Variants in PKN2 observed in about 807,000 individuals in gnomAD.
PKN2 encodes the protein serine/threonine-protein kinase N2.
PKN2 carries 38 observed loss-of-function variants against 119.1 expected under a neutral mutation model. The observed-to-expected ratio is 0.32, with a 90% CI of 0.25 to 0.42. The LOEUF is 0.42. Among genes scored for constraint, PKN2 ranks in the 10% least tolerant of loss-of-function variants. The probability of loss-of-function intolerance (pLI) is 1.00; values close to 1 mark genes in which losing one functional copy is unlikely to be tolerated. For synonymous variants in PKN2, 390 were observed against 384.9 expected, an observed-to-expected ratio of 1.01 and a Z score of -0.15; for missense variants, 850 against 1,165.1, an observed-to-expected ratio of 0.73 and a Z score of 3.94.
chr1:88,805,387 T>C (rs1035039368), intron 10 of PKN2, 110 bp from the exon 11 acceptor site: 3 of 935,004 alleles, frequency 3.2e-6, no homozygotes, highest in African/African-American at 3.3e-5. Flanking sequence ...GTGACAAATT[T>C]TGTTTGTTCT....
At chr1:88,717,689 T>C (rs1181551587) in intron 1 of PKN2, among the ~76,000 whole-genome samples, 8 of 152,024 alleles carry the variant, frequency 5.3e-5, no homozygotes, top group African/African-American at 1.9e-4. Context: ...AGTCAGCCAT[T>C]CTTCTAATCT....
At chr1:88,706,602 T>C (rs1300038847) in intron 1 of PKN2, among the ~76,000 whole-genome samples, 3 of 152,118 alleles carry the variant, frequency 2.0e-5, no homozygotes, top group Non-Finnish European at 4.4e-5. Flanking sequence ...GTAAGATTAG[T>C]TGTATGAGTT....
chr1:88,751,357 A>G (rs1668986775), intron 2 of PKN2, among the ~76,000 whole-genome samples: 1 of 150,458 alleles, frequency 6.6e-6, no homozygotes, highest in African/African-American at 2.5e-5. Context: ...TTATATATAC[A>G]TACATTATAT....
chr1:88,702,572 T>G (rs540438163), intron 1 of PKN2, among the ~76,000 whole-genome samples: 1 of 152,286 alleles, frequency 6.6e-6, no homozygotes, highest in African/African-American at 2.4e-5. Context: ...TAAAAAAAGA[T>G]GTAAAGAATG....
chr1:88,752,069 A>G (rs1405534573), intron 2 of PKN2, among the ~76,000 whole-genome samples: 1 of 152,100 alleles, frequency 6.6e-6, no homozygotes, highest in Non-Finnish European at 1.5e-5. Flanking sequence ...TCTGAAATGT[A>G]TGTATTTCAT....
At chr1:88,794,902 C>T (rs1000132576) in intron 8 of PKN2, among the ~76,000 whole-genome samples, 1 of 152,180 alleles carries the variant, frequency 6.6e-6, no homozygotes, top group East Asian at 1.9e-4. Context: ...TGGAAACTCC[C>T]AATAGCAAAT....
At chr1:88,699,036 A>G (rs1666656681) in intron 1 of PKN2, among the ~76,000 whole-genome samples, 1 of 152,056 alleles carries the variant, frequency 6.6e-6, no homozygotes, top group Admixed American at 6.6e-5. Flanking sequence ...TTGTTTTTAC[A>G]TTGACAAGGT....
intron 19 of PKN2, 144 bp downstream of exon 19, chr1:88,828,767 A>G (rs1359408973): frequency 3.0e-6 from 2 of 660,234 alleles, no homozygotes; most frequent in South Asian, 2.2e-5. Context: ...GTAGTCAGCT[A>G]TCTTTCTGTA....
chr1:88,785,909 A>C (rs999880618), intron 7 of PKN2, among the ~76,000 whole-genome samples, 195 bp from the exon 8 acceptor site: 31 of 152,194 alleles, frequency 2.0e-4, no homozygotes, highest in African/African-American at 7.0e-4. Context: ...GTTTTTGTCA[A>C]ACAATTTGGG....
chr1:88,794,600 T>C (rs924704597), intron 8 of PKN2, among the ~76,000 whole-genome samples: 6 of 152,298 alleles, frequency 3.9e-5, no homozygotes, highest in Admixed American at 3.3e-4. Context: ...AACCCTTTCA[T>C]TAATTAGCTA....
At chr1:88,782,666 A>T (rs959654426) in intron 6 of PKN2, among the ~76,000 whole-genome samples, 4 of 151,796 alleles carry the variant, frequency 2.6e-5, no homozygotes, top group African/African-American at 9.7e-5. Context: ...AATCACTAGA[A>T]ATTTGGTTTA....
At chr1:88,690,139 CAT>C (rs1467619030) in intron 1 of PKN2, among the ~76,000 whole-genome samples, 1 of 152,146 alleles carries the variant, frequency 6.6e-6, no homozygotes, top group Non-Finnish European at 1.5e-5. Context: ...CTACCATTCA[CAT>C]AGTGTTGAAA....
chr1:88,685,100 C>G (rs1291038597), intron 1 of PKN2: 1 of 155,458 alleles, frequency 6.4e-6, no homozygotes, highest in Non-Finnish European at 1.4e-5. Context: ...CCTCAGACTC[C>G]GCACAAAGAG....
intron 1 of PKN2, among the ~76,000 whole-genome samples, chr1:88,688,780 C>T (rs2100642028): frequency 6.6e-6 from 1 of 152,286 alleles, no homozygotes; most frequent in Non-Finnish European, 1.5e-5. Context: ...TAACCTAGCT[C>T]TGTGTTTGAC....
rs542545699 is a variant in PKN2, at chr1:88,685,022, TC to T, written c.48+396del. On this transcript the variant is annotated intron_variant, in intron 1 of 21. Transcript: ENST00000370521. Reference sequence around the variant, plus strand: ...GCGCGGCCGGGCCCCGCCCCGCCTTTCCTCCGTACACCGCTCCTTAAACTCC... The same window carrying T: ...GCGCGGCCGGGCCCCGCCCCGCCTTTCTCCGTACACCGCTCCTTAAACTCC... 8.0e-4 allele frequency: 160 copies of T among 198,866 alleles called. 2 individuals are homozygous for T. The highest frequency in any genetic ancestry group is 1.2e-3 in the Non-Finnish European group (120 of 97,438). The allele number at this position is 198,866 out of a possible 1,614,324, so 12.3% of individuals were successfully genotyped here.
At chr1:88,778,134 T>C (rs765014616) in intron 6 of PKN2, among the ~76,000 whole-genome samples, 33 of 152,228 alleles carry the variant, frequency 2.2e-4, no homozygotes, top group Non-Finnish European at 3.1e-4. Flanking sequence ...TATTGATAGA[T>C]GGCTTATGTC....
intron 8 of PKN2, among the ~76,000 whole-genome samples, chr1:88,794,624 C>T (rs1055666021): frequency 6.6e-6 from 1 of 152,110 alleles, no homozygotes; most frequent in Non-Finnish European, 1.5e-5. Flanking sequence ...AATTAATGCA[C>T]CTAGGATAAT....
intron 1 of PKN2, among the ~76,000 whole-genome samples, chr1:88,707,334 A>C (rs963119158): frequency 6.6e-6 from 1 of 152,074 alleles, no homozygotes; most frequent in Non-Finnish European, 1.5e-5. Context: ...TTCTTTTACA[A>C]GTTTTTTTAA....
intron 1 of PKN2, among the ~76,000 whole-genome samples, chr1:88,708,223 T>C (rs187265795): frequency 6.6e-6 from 1 of 152,280 alleles, no homozygotes; most frequent in African/African-American, 2.4e-5. Flanking sequence ...CTGTTAAACC[T>C]GTAGATCTTG....
Sources: allele counts gnomAD v4.1 joint callset (sites outside exome capture counted in the v4.1 genomes callset), GRCh38; gene constraint gnomAD v4.1.1; transcripts MANE v1.5; gene names NCBI Gene and HGNC (gene_info 2026-07-23, HGNC 2026-07-21).